The following C12orf42 variants were observed in gnomAD, a reference collection of about 807,000 sequenced individuals.
The protein encoded by C12orf42 is uncharacterized protein C12orf42.
Under a neutral mutation model 21.6 loss-of-function variants are expected in C12orf42, and 25 were observed. The observed-to-expected ratio is 1.16, with a 90% CI of 0.84 to 1.62. The LOEUF (loss-of-function observed/expected upper bound fraction) is 1.62. Among genes scored for constraint, C12orf42 ranks in the 40% most tolerant of loss-of-function variants. The pLI is 0.00. For synonymous variants in C12orf42, 174 were observed against 175.0 expected, an observed-to-expected ratio of 0.99 and a Z score of 0.05; for missense variants, 483 against 459.3, an observed-to-expected ratio of 1.05 and a Z score of -0.47.
At chr12:103,123,489 C>A in the C12orf42 span, among the ~76,000 whole-genome samples, 1 of 152,066 alleles carries the variant, frequency 6.6e-6, no homozygotes, top group Admixed American at 6.6e-5. Flanking sequence ...AGAAAGTAGA[C>A]CCTTACTCCC....
intron 2 of C12orf42, among the ~76,000 whole-genome samples, chr12:103,412,605 G>T (rs1281896232): frequency 6.6e-6 from 1 of 152,200 alleles, no homozygotes; most frequent in Non-Finnish European, 1.5e-5. Context: ...GGAGGCAGAG[G>T]TTGGCTTACT....
chr12:103,306,485 A>G (rs2038345099), intron 4 of C12orf42, 140 bp from the exon 5 acceptor site: 1 of 981,098 alleles, frequency 1.0e-6, no homozygotes, highest in East Asian at 2.6e-5. Flanking sequence ...ATGACAGACT[A>G]GGGTAGCTGA....
downstream of C12orf42, among the ~76,000 whole-genome samples, chr12:103,265,009 T>A (rs2035093289): frequency 6.6e-6 from 1 of 152,146 alleles, no homozygotes; most frequent in Non-Finnish European, 1.5e-5. Flanking sequence ...TTCTGGAGGA[T>A]GAAAGTGTCT....
chr12:103,118,764 C>G, the C12orf42 span, among the ~76,000 whole-genome samples: 3 of 110,538 alleles, frequency 2.7e-5, no homozygotes, highest in Admixed American at 1.2e-4. Context: ...CGCCATTGCA[C>G]TCCAGCCTAA....
intron 3 of C12orf42, among the ~76,000 whole-genome samples, chr12:103,399,226 A>AT (rs1292262521): frequency 6.6e-6 from 1 of 151,562 alleles, no homozygotes; most frequent in African/African-American, 2.4e-5. Flanking sequence ...GTTCTTATAT[A>AT]TTTTTCCCTA....
intron 2 of C12orf42, among the ~76,000 whole-genome samples, chr12:103,420,608 C>A (rs906755480): frequency 1.4e-4 from 21 of 152,196 alleles, no homozygotes; most frequent in African/African-American, 4.8e-4. Flanking sequence ...CTGCTCACTG[C>A]AACCTCCGCC....
chr12:103,148,353 A>G, the C12orf42 span, among the ~76,000 whole-genome samples: 1 of 152,302 alleles, frequency 6.6e-6, no homozygotes, highest in East Asian at 1.9e-4. Context: ...AGACCAAAGT[A>G]TGTTTTGCTT....
At chr12:103,383,889 T>C (rs928422582) in intron 3 of C12orf42, among the ~76,000 whole-genome samples, 1 of 152,314 alleles carries the variant, frequency 6.6e-6, no homozygotes, top group Middle Eastern at 3.4e-3. Flanking sequence ...AAATCACCCA[T>C]CCATGTAAAT....
rs756721534 is a variant in C12orf42, at chr12:103,302,361, G to T, written c.830C>A (p.Ala277Glu). 6 of 1,613,852 alleles carry T rather than the reference G, an allele frequency of 3.7e-6. No individual in the cohort carries two copies. Among genetic ancestry groups the T allele is most frequent in the Non-Finnish European group, 5.1e-6 (6 of 1,179,898 alleles). ...GASGNPVGKGAVAMAPEMLPK... is the reference protein window; with the variant it reads ...GASGNPVGKGEVAMAPEMLPK... The stretch of plus-strand genomic sequence containing the variant: ...GAGCATCTCCGGCGCCATGGCAACC[G>T]CGCCTTTTCCGACGGGATTTCCGGA... The change falls in exon 6 of 6, where the codon GCG becomes GAG. Residue 277 changes from alanine to glutamate, a missense_variant. Coordinates refer to ENST00000548883, the MANE Select transcript of C12orf42 (RefSeq NM_198521.5).
At chr12:103,349,704 A>G (rs551364244) in intron 4 of C12orf42, among the ~76,000 whole-genome samples, 1 of 152,292 alleles carries the variant, frequency 6.6e-6, no homozygotes, top group South Asian at 2.1e-4. Context: ...AATGCCAAAG[A>G]CAATGTCCTA....
In C12orf42 at chr12:103,306,258, G is replaced by C. The variant is rs1200725641; in HGVS notation, c.347C>G (p.Thr116Arg). The change falls in exon 5 of 6, where the codon ACA becomes AGA. Residue 116 changes from threonine (T) to arginine (R), a missense_variant. By Grantham distance (71) the Thr-to-Arg change is moderately conservative. Coordinates refer to ENST00000548883, the MANE Select transcript of C12orf42 (RefSeq NM_198521.5). ...ATAGCTTTCTTCATCAAAAGAAACT[G>C]TGCTTACAGAACACCTGGGGACTAT... ...QYIVPRCSVS[T>R]VSFDEESYEE... The C allele has an allele frequency of 6.2e-7, 1 of 1,613,850 alleles. No homozygotes were observed. Among genetic ancestry groups the C allele is most frequent in the Middle Eastern group, 1.6e-4 (1 of 6,062 alleles).
chr12:103,389,842 TTC>T (rs1302261960), intron 3 of C12orf42, among the ~76,000 whole-genome samples: 4 of 152,180 alleles, frequency 2.6e-5, no homozygotes, highest in African/African-American at 7.2e-5. Flanking sequence ...TCTCCCAGTT[TTC>T]TCTGTTTTCA....
intron 4 of C12orf42, chr12:103,349,265 G>C (rs2042898453): frequency 1.3e-5 from 2 of 152,138 alleles, no homozygotes; most frequent in South Asian, 4.1e-4. Flanking sequence ...GCTTCTGTTA[G>C]TTGTACTTGA....
intron 2 of C12orf42, among the ~76,000 whole-genome samples, chr12:103,452,278 A>G (rs1951997593): frequency 1.3e-5 from 2 of 152,104 alleles, no homozygotes; most frequent in Non-Finnish European, 2.9e-5. Context: ...GCATGGAAGC[A>G]TGAAAGAGCT....
At chr12:103,217,667 T>C in the C12orf42 span, among the ~76,000 whole-genome samples, 2 of 152,144 alleles carry the variant, frequency 1.3e-5, no homozygotes, top group Non-Finnish European at 2.9e-5. Flanking sequence ...ACTCAAAACC[T>C]TCATGAGAGG....
At chr12:103,552,743 T>G in the C12orf42 span, among the ~76,000 whole-genome samples, 1 of 152,160 alleles carries the variant, frequency 6.6e-6, no homozygotes, top group African/African-American at 2.4e-5. Flanking sequence ...TTAGTCCATT[T>G]TCACACTGCT....
chr12:103,157,808 G>A, the C12orf42 span, among the ~76,000 whole-genome samples: 102 of 152,216 alleles, frequency 6.7e-4, no homozygotes, highest in African/African-American at 2.4e-3. Context: ...TGAGGTCTCT[G>A]AGAAATATTA....
At chr12:103,562,497 T>C in the C12orf42 span, among the ~76,000 whole-genome samples, 1 of 152,150 alleles carries the variant, frequency 6.6e-6, no homozygotes, top group Non-Finnish European at 1.5e-5. Flanking sequence ...TCATGCAATT[T>C]CCCAGTCCAC....
intron 10 of C12orf42, among the ~76,000 whole-genome samples, chr12:103,250,459 C>T (rs950896369): frequency 1.2e-4 from 18 of 152,022 alleles, no homozygotes; most frequent in African/African-American, 3.6e-4. Context: ...GGTATAGCTT[C>T]GAACTGCACC....
Sources: gnomAD v4.1 joint callset for allele counts (sites outside exome capture counted in the v4.1 genomes callset) on GRCh38, gnomAD v4.1.1 for gene constraint, MANE v1.5 for transcripts, NCBI Gene and HGNC (gene_info 2026-07-23, HGNC 2026-07-21) for gene names.